The following LITAF variants were observed in gnomAD, a reference collection of about 807,000 sequenced individuals.
LITAF encodes lipopolysaccharide-induced tumor necrosis factor-alpha factor.
A neutral mutation model predicts 14.5 loss-of-function variants in LITAF; 9 were observed. That is an observed-to-expected ratio of 0.62 (90% CI 0.37 to 1.08). The LOEUF is 1.08. Ranked by LOEUF, LITAF falls within the 50% of genes least tolerant of loss-of-function variation. The probability of loss-of-function intolerance (pLI) is 0.01; values close to 1 mark genes in which losing one functional copy is unlikely to be tolerated. For synonymous variants in LITAF, 98 were observed against 88.2 expected, an observed-to-expected ratio of 1.11 and a Z score of -0.62; for missense variants, 206 against 213.4, an observed-to-expected ratio of 0.97 and a Z score of 0.22.
chr16:11,549,037 AG>A lies in LITAF; in HGVS notation c.*599del, dbSNP rs2064144491. The A allele has an allele frequency of 2.2e-6, 1 of 449,106 alleles. No individual in the cohort carries two copies. Among genetic ancestry groups the A allele is most frequent in the Non-Finnish European group, 4.4e-6 (1 of 225,662 alleles). The allele number at this position is 449,106 out of a possible 1,614,324, so 27.8% of individuals were successfully genotyped here. A position where few individuals can be genotyped will look rare whatever the true frequency, so the allele number is the denominator to read the frequency against. On this transcript the variant is annotated 3_prime_UTR_variant, in exon 4 of 4. Transcript: ENST00000622633. The surrounding 1 kb of genome is among the most constrained non-coding windows in gnomAD (Gnocchi z 4.6). ...GGATATGTCTGTACTGGGTGTTAAT[AG>A]CCCCCTCCTTGTATTTAAAAAAAAA...
intron 2 of LITAF, among the ~76,000 whole-genome samples, chr16:11,554,517 T>C (rs2064238071): frequency 6.6e-6 from 1 of 152,034 alleles, no homozygotes; most frequent in South Asian, 2.1e-4. Flanking sequence ...GCACGGTGGC[T>C]CACACCTGTA....
rs1315023012 is a variant in LITAF, at chr16:11,586,681, C to G, written c.-6+205G>C. Reference sequence around the variant, plus strand: ...CAACCGGAGACGCGGCCGGGACCAGCGCTGGGAGGCCGGACCCCGCCCCGG... The same window carrying G: ...CAACCGGAGACGCGGCCGGGACCAGGGCTGGGAGGCCGGACCCCGCCCCGG... On this transcript the variant is annotated intron_variant, in intron 1 of 3. Coordinates refer to ENST00000622633, the MANE Select transcript of LITAF (RefSeq NM_001136472.2). The surrounding 1 kb of genome is among the most constrained non-coding windows in gnomAD (Gnocchi z 6.5). Among the ~76,000 whole-genome samples the G allele has an allele frequency of 2.0e-5, 3 of 151,438 alleles. No homozygotes were observed. Among genetic ancestry groups the G allele is most frequent in the Admixed American group, 2.0e-4 (3 of 15,236 alleles).
intron 1 of LITAF, among the ~76,000 whole-genome samples, chr16:11,595,125 G>T (rs1009903491): frequency 6.6e-6 from 1 of 152,090 alleles, no homozygotes; most frequent in African/African-American, 2.4e-5. Context: ...GACCAATTCC[G>T]GTCACTCATG....
upstream of LITAF, among the ~76,000 whole-genome samples, chr16:11,637,934 ATATC>A (rs2065145600): frequency 3.4e-5 from 3 of 88,398 alleles, no homozygotes; most frequent in Admixed American, 1.1e-4. Flanking sequence ...ATCTATATCT[ATATC>A]TATATATCTA....
chr16:11,633,833 C>A (rs577457473), intron 2 of LITAF, among the ~76,000 whole-genome samples: 1 of 152,168 alleles, frequency 6.6e-6, no homozygotes, highest in African/African-American at 2.4e-5. Flanking sequence ...CTTTCTTGCA[C>A]GAGACCCAAG....
chr16:11,550,144 G>A (rs955163616), intron 3 of LITAF, among the ~76,000 whole-genome samples: 5 of 152,086 alleles, frequency 3.3e-5, no homozygotes, highest in Admixed American at 2.6e-4. Flanking sequence ...ATGGAGTCTC[G>A]CTCTGTCGCC....
intron 1 of LITAF, among the ~76,000 whole-genome samples, chr16:11,564,278 G>A (rs140790117): frequency 0.012 from 1,884 of 152,116 alleles, 78 homozygotes; most frequent in Admixed American, 0.092. Context: ...GTCAGACCCA[G>A]CGATCATCCG....
upstream of LITAF, among the ~76,000 whole-genome samples, chr16:11,599,693 C>G (rs912001921): frequency 6.6e-6 from 1 of 152,164 alleles, no homozygotes; most frequent in Non-Finnish European, 1.5e-5. Context: ...CTGTGTTACC[C>G]TAAGCCTCGT....
upstream of LITAF, among the ~76,000 whole-genome samples, chr16:11,637,974 CT>C (rs2065146585): frequency 6.3e-5 from 2 of 31,646 alleles, 1 homozygote; most frequent in African/African-American, 5.2e-4. Flanking sequence ...ATCTATATAT[CT>C]ATATATATCT....
chr16:11,577,130 C>G (rs926735078), intron 1 of LITAF, among the ~76,000 whole-genome samples: 5 of 152,128 alleles, frequency 3.3e-5, no homozygotes, highest in African/African-American at 4.8e-5. Flanking sequence ...ATTTCCCTAA[C>G]TGGACCATAT....
upstream of LITAF, among the ~76,000 whole-genome samples, chr16:11,587,740 C>T (rs752525576): frequency 1.4e-4 from 22 of 152,192 alleles, no homozygotes; most frequent in Non-Finnish European, 3.2e-4. Flanking sequence ...CTTGGAGCCC[C>T]ATCGGCCGGC....
intron 3 of LITAF, among the ~76,000 whole-genome samples, chr16:11,622,430 A>T (rs1345443): frequency 0.9 from 136,611 of 152,246 alleles, 61,434 homozygotes; most frequent in East Asian, 0.99. Flanking sequence ...ATGGCTGGAG[A>T]GCCCCCGGGA....
intron 1 of LITAF, chr16:11,575,340 A>C (rs1488812987): frequency 6.6e-6 from 1 of 152,070 alleles, no homozygotes; most frequent in Admixed American, 6.6e-5. Flanking sequence ...CGAGTGGAGG[A>C]TCTGGGGACA....
intron 3 of LITAF, among the ~76,000 whole-genome samples, chr16:11,619,411 A>T (rs1305342390): frequency 1.3e-5 from 2 of 152,144 alleles, no homozygotes; most frequent in Non-Finnish European, 2.9e-5. Context: ...AAAGGCCCCA[A>T]ATGTCATGTG....
At chr16:11,611,596 C>A (rs367800558) in intron 3 of LITAF, among the ~76,000 whole-genome samples, 4 of 152,088 alleles carry the variant, frequency 2.6e-5, no homozygotes, top group African/African-American at 9.7e-5. Flanking sequence ...AAATTGCAGC[C>A]AATTGGGAGC....
intron 3 of LITAF, among the ~76,000 whole-genome samples, chr16:11,608,936 G>T (rs1423921736): frequency 6.6e-6 from 1 of 151,540 alleles, no homozygotes; most frequent in African/African-American, 2.4e-5. Context: ...GTGACAGAGT[G>T]AGACTCTGTC....
intron 3 of LITAF, chr16:11,629,009 A>G (rs1198136411): frequency 1.3e-5 from 2 of 151,326 alleles, no homozygotes; most frequent in African/African-American, 2.5e-5. Flanking sequence ...GCATCTCACT[A>G]TGTTGCCCAG....
upstream of LITAF, among the ~76,000 whole-genome samples, chr16:11,639,204 G>C (rs1323522377): frequency 6.6e-6 from 1 of 151,986 alleles, no homozygotes; most frequent in African/African-American, 2.4e-5. Flanking sequence ...TGGATGGGTA[G>C]ATGGATGAAT....
At chr16:11,574,991 C>T (rs1597350820) in intron 1 of LITAF, among the ~76,000 whole-genome samples, 1 of 152,068 alleles carries the variant, frequency 6.6e-6, no homozygotes, top group Non-Finnish European at 1.5e-5. Flanking sequence ...TTAGTAGAGA[C>T]AGGGTTTCAC....
Sources: gnomAD v4.1 joint callset for allele counts (sites outside exome capture counted in the v4.1 genomes callset) on GRCh38, gnomAD v4.1.1 for gene constraint, Gnocchi (gnomAD v3.1) non-coding constraint, MANE v1.5 for transcripts, NCBI Gene and HGNC (gene_info 2026-07-23, HGNC 2026-07-21) for gene names.